Variants in MAP7 observed in about 807,000 individuals in gnomAD.
MAP7 encodes the protein ensconsin.
In MAP7, 52 loss-of-function variants were observed where a neutral mutation model predicts 94.8. That is an observed-to-expected ratio of 0.55 (90% CI 0.44 to 0.69). The LOEUF is 0.69. Ranked by LOEUF, MAP7 falls within the 30% of genes least tolerant of loss-of-function variation. MAP7 has a pLI of 0.00. For synonymous variants in MAP7, 350 were observed against 357.0 expected (o/e 0.98, Z 0.22); for missense variants, 940 against 964.6 (o/e 0.97, Z 0.34).
intron 1 of MAP7, among the ~76,000 whole-genome samples, chr6:136,547,475 G>T (rs187048695): frequency 3.2e-4 from 48 of 152,238 alleles, no homozygotes; most frequent in Non-Finnish European, 5.4e-4. Flanking sequence ...GGTAGAGGCA[G>T]TTTTGTGAAT....
chr6:136,520,217 G>GC (rs369752217), intron 1 of MAP7, among the ~76,000 whole-genome samples: 30 of 128,226 alleles, frequency 2.3e-4, no homozygotes, highest in African/African-American at 1.1e-3. Flanking sequence ...AAAAAAAAAA[G>GC]GGGGGAGGAG....
At chr6:136,484,438 G>T (rs947598362) in intron 1 of MAP7, among the ~76,000 whole-genome samples, 2 of 152,058 alleles carry the variant, frequency 1.3e-5, no homozygotes, top group Non-Finnish European at 2.9e-5. Context: ...CTCTGCCCAT[G>T]GTCATTCTGG....
intron 1 of MAP7, among the ~76,000 whole-genome samples, chr6:136,516,065 A>G (rs907790463): frequency 6.6e-6 from 1 of 151,440 alleles, no homozygotes. Flanking sequence ...ACAGACAATA[A>G]ACGACTCAGC....
chr6:136,534,411 A>C (rs2129057361), intron 1 of MAP7, among the ~76,000 whole-genome samples: 1 of 152,332 alleles, frequency 6.6e-6, no homozygotes, highest in South Asian at 2.1e-4. Flanking sequence ...AAGTCAACTG[A>C]TTGTAAATGT....
intron 10 of MAP7, 72 bp downstream of exon 10, chr6:136,365,662 CA>C (rs1391277636): frequency 7.3e-6 from 11 of 1,499,972 alleles, no homozygotes; most frequent in South Asian, 2.7e-5. Context: ...AAAAGGAAAA[CA>C]AAAAAAGCTT....
chr6:136,504,278 G>A (rs1314256972), intron 1 of MAP7, among the ~76,000 whole-genome samples: 4 of 152,120 alleles, frequency 2.6e-5, no homozygotes, highest in African/African-American at 4.8e-5. Context: ...GTGAGACTAC[G>A]GAAGGATACA....
chr6:136,471,954 T>A (rs1583010903), intron 1 of MAP7, among the ~76,000 whole-genome samples: 1 of 152,128 alleles, frequency 6.6e-6, no homozygotes, highest in Non-Finnish European at 1.5e-5. Flanking sequence ...ATATTTATGA[T>A]TGAAGCGAAA....
intron 1 of MAP7, among the ~76,000 whole-genome samples, chr6:136,513,698 A>G (rs565278150): frequency 6.6e-6 from 1 of 152,142 alleles, no homozygotes; most frequent in Non-Finnish European, 1.5e-5. Flanking sequence ...ATGGCAGAGC[A>G]CCTCAATGTG....
intron 1 of MAP7, among the ~76,000 whole-genome samples, chr6:136,447,774 G>A (rs760435913): frequency 6.6e-6 from 1 of 151,960 alleles, no homozygotes; most frequent in Non-Finnish European, 1.5e-5. Flanking sequence ...CTTTTCTTAA[G>A]CAATGACTTT....
intron 1 of MAP7, among the ~76,000 whole-genome samples, chr6:136,492,054 C>G (rs1419208473): frequency 2.6e-5 from 4 of 151,842 alleles, no homozygotes; most frequent in Non-Finnish European, 4.4e-5. Flanking sequence ...GACATGTAAA[C>G]AAATAGCTAT....
At chr6:136,526,917 G>A (rs1215828312) in intron 1 of MAP7, among the ~76,000 whole-genome samples, 5 of 152,154 alleles carry the variant, frequency 3.3e-5, no homozygotes, top group Non-Finnish European at 5.9e-5. Context: ...CCAGTGCCAT[G>A]TCCCTGAAAC....
chr6:136,520,492 G>T (rs1008209618), intron 1 of MAP7, among the ~76,000 whole-genome samples: 1 of 152,136 alleles, frequency 6.6e-6, no homozygotes, highest in South Asian at 2.1e-4. Flanking sequence ...AAAGTACAGG[G>T]TATAAAGAGG....
chr6:136,517,605 A>T (rs1181027279), intron 1 of MAP7, among the ~76,000 whole-genome samples: 2 of 152,250 alleles, frequency 1.3e-5, no homozygotes, highest in Non-Finnish European at 1.5e-5. Context: ...CATTTCACAG[A>T]TGGGAATCTG....
chr6:136,385,010 G>T (rs1392385107), intron 5 of MAP7, among the ~76,000 whole-genome samples: 5 of 152,114 alleles, frequency 3.3e-5, no homozygotes, highest in Admixed American at 3.3e-4. Context: ...AGTGAAAGGG[G>T]TTTTTGCTGT....
intron 11 of MAP7, 129 bp downstream of exon 11, chr6:136,362,321 T>C (rs1793059281): frequency 8.1e-7 from 1 of 1,229,966 alleles, no homozygotes; most frequent in African/African-American, 1.5e-5. Flanking sequence ...GAAAATTAGG[T>C]AAGAGTAATC....
intron 1 of MAP7, among the ~76,000 whole-genome samples, chr6:136,491,612 A>G (rs1816638701): frequency 6.6e-6 from 1 of 152,254 alleles, no homozygotes; most frequent in South Asian, 2.1e-4. Context: ...AAAACATAAT[A>G]AAAGTAGAGC....
At chr6:136,447,675 T>C (rs906014472) in intron 1 of MAP7, among the ~76,000 whole-genome samples, 4 of 152,146 alleles carry the variant, frequency 2.6e-5, no homozygotes, top group African/African-American at 9.7e-5. Context: ...TAACTGGGTG[T>C]TTTTTTCAAA....
At chr6:136,405,159 G>A (rs1785210213) in intron 3 of MAP7, among the ~76,000 whole-genome samples, 1 of 152,146 alleles carries the variant, frequency 6.6e-6, no homozygotes, top group Admixed American at 6.6e-5. Context: ...AACAGTTGCT[G>A]GACATTGATT....
At chr6:136,496,062 C>A (rs187487255) in intron 1 of MAP7, among the ~76,000 whole-genome samples, 63 of 152,284 alleles carry the variant, frequency 4.1e-4, no homozygotes, top group African/African-American at 1.4e-3. Context: ...TAACTTACAT[C>A]CCCAAACCAT....
Sources: gnomAD v4.1 joint callset for allele counts (sites outside exome capture counted in the v4.1 genomes callset) on GRCh38, gnomAD v4.1.1 for gene constraint, MANE v1.5 for transcripts, NCBI Gene and HGNC (gene_info 2026-07-23, HGNC 2026-07-21) for gene names.